CDH12: variants seen among roughly 807,000 people sequenced by gnomAD.
CDH12 encodes the protein cadherin-12.
CDH12 carries 41 observed loss-of-function variants against 74.1 expected under a neutral mutation model. The observed-to-expected ratio is 0.55, with a 90% CI of 0.43 to 0.72. The LOEUF (loss-of-function observed/expected upper bound fraction) is 0.72. Ranked by LOEUF, CDH12 falls within the 30% of genes least tolerant of loss-of-function variation. The pLI, the probability that CDH12 is intolerant of heterozygous loss-of-function variation, is 0.00. For synonymous variants in CDH12, 399 were observed against 355.0 expected (o/e 1.12, Z -1.39); for missense variants, 945 against 977.2 (o/e 0.97, Z 0.44).
intron 1 of CDH12, among the ~76,000 whole-genome samples, chr5:22,507,912 G>T (rs949910925): frequency 6.6e-6 from 1 of 152,148 alleles, no homozygotes; most frequent in East Asian, 1.9e-4. Flanking sequence ...GACTGCCATC[G>T]TGCCTTGCCT....
chr5:22,356,472 C>G (rs1013453812), intron 3 of CDH12, among the ~76,000 whole-genome samples: 1 of 152,088 alleles, frequency 6.6e-6, no homozygotes, highest in African/African-American at 2.4e-5. Context: ...ATACAATATG[C>G]TTAATCCTCC....
intron 1 of CDH12, among the ~76,000 whole-genome samples, chr5:22,760,452 G>A (rs1174663737): frequency 2.6e-5 from 4 of 151,990 alleles, no homozygotes; most frequent in African/African-American, 4.8e-5. Context: ...AGGCCGAGGC[G>A]GGTGGATCAA....
At chr5:22,102,498 G>A (rs969337262) in intron 4 of CDH12, among the ~76,000 whole-genome samples, 21 of 151,948 alleles carry the variant, frequency 1.4e-4, no homozygotes, top group African/African-American at 4.1e-4. Context: ...GTGAAGCCCC[G>A]TCTCTACTAA....
At chr5:22,735,887 C>A (rs11954567) in intron 1 of CDH12, among the ~76,000 whole-genome samples, 1 of 151,644 alleles carries the variant, frequency 6.6e-6, no homozygotes, top group Non-Finnish European at 1.5e-5. Context: ...AGTGTCTATA[C>A]GAAAAGTTAT....
intron 3 of CDH12, among the ~76,000 whole-genome samples, chr5:22,355,966 T>A (rs1165842294): frequency 6.6e-6 from 1 of 152,220 alleles, no homozygotes; most frequent in Non-Finnish European, 1.5e-5. Flanking sequence ...GCATATGCCA[T>A]CACTGGCCTT....
intron 2 of CDH12, among the ~76,000 whole-genome samples, chr5:22,453,448 T>C (rs961117723): frequency 2.0e-5 from 3 of 152,128 alleles, no homozygotes; most frequent in Non-Finnish European, 4.4e-5. Flanking sequence ...CATAGATGAA[T>C]GTAGAGGACA....
intron 3 of CDH12, among the ~76,000 whole-genome samples, chr5:22,368,402 G>C (rs893057057): frequency 1.3e-5 from 2 of 151,580 alleles, no homozygotes; most frequent in Non-Finnish European, 2.9e-5. Flanking sequence ...AGGCTCATGT[G>C]ATCCTCTCAA....
rs754616474 is a variant in CDH12, at chr5:22,232,701, CTCTT to C, written c.-332-20062_-332-20059del. Reference sequence around the variant, plus strand: ...TCATAGTTGAGAAGAAAGCTTCTCTCTCTTTCTCTCTGTGTCTAACTTTTAGCAC... The same window carrying C: ...TCATAGTTGAGAAGAAAGCTTCTCTCTCTCTCTGTGTCTAACTTTTAGCAC... On this transcript the variant is annotated intron_variant, in intron 3 of 14. Transcript: ENST00000382254. Among the ~76,000 whole-genome samples, 42 of 151,402 alleles carry C rather than the reference CTCTT, an allele frequency of 2.8e-4. 1 individual carries two copies. The highest frequency in any genetic ancestry group is 5.3e-4 in the Non-Finnish European group (36 of 67,698).
rs1226107549 is a variant in CDH12, at chr5:22,853,164, C to G, written c.-629G>C. The G allele has an allele frequency of 6.6e-6, 1 of 152,246 alleles. No homozygotes were observed. The highest frequency in any genetic ancestry group is 2.4e-5 in the African/African-American group (1 of 41,442). 9.4% of individuals were successfully genotyped at this position (152,246 alleles called of 1,614,324 possible). A position where few individuals can be genotyped will look rare whatever the true frequency, so the allele number is the denominator to read the frequency against. ...GTGAGACCCTTCTCTTCTGTTTCCC[C>G]TTTCCAAATCACTGTGCCAACACAC... is the stretch of plus-strand genomic sequence containing the variant. On this transcript the variant is annotated 5_prime_UTR_variant, in exon 1 of 15. Coordinates refer to ENST00000382254, the MANE Select transcript of CDH12 (RefSeq NM_004061.5).
chr5:22,042,847 G>A (rs1026141191), intron 5 of CDH12, among the ~76,000 whole-genome samples: 23 of 138,496 alleles, frequency 1.7e-4, no homozygotes, highest in African/African-American at 6.4e-4. Flanking sequence ...CAGAGATCAT[G>A]CCACCACACT....
chr5:22,580,058 C>T (rs527788639), intron 1 of CDH12, among the ~76,000 whole-genome samples: 3 of 152,170 alleles, frequency 2.0e-5, no homozygotes, highest in South Asian at 2.1e-4. Context: ...TTTTAGCCAA[C>T]GATGCTCTGC....
At chr5:22,031,380 G>C (rs551962707) in intron 5 of CDH12, among the ~76,000 whole-genome samples, 1 of 152,154 alleles carries the variant, frequency 6.6e-6, no homozygotes, top group East Asian at 1.9e-4. Flanking sequence ...TGTTGTGGTT[G>C]GTTTGATCTT....
At chr5:22,454,670 T>C (rs768531313) in intron 2 of CDH12, among the ~76,000 whole-genome samples, 3 of 152,130 alleles carry the variant, frequency 2.0e-5, no homozygotes, top group Middle Eastern at 3.2e-3. Flanking sequence ...GTACGGGGTT[T>C]CACCATGTTG....
chr5:22,620,477 A>G (rs1037671016), intron 1 of CDH12, among the ~76,000 whole-genome samples: 2 of 152,124 alleles, frequency 1.3e-5, no homozygotes, highest in Non-Finnish European at 2.9e-5. Context: ...AAAGAATTAT[A>G]ATATATGGAA....
chr5:22,194,480 C>T (rs1347982532), intron 4 of CDH12, among the ~76,000 whole-genome samples: 14 of 151,742 alleles, frequency 9.2e-5, no homozygotes, highest in African/African-American at 3.1e-4. Context: ...TACAAGCGTC[C>T]GCCCCCATGC....
chr5:21,921,720 T>C (rs1377347207), intron 6 of CDH12, among the ~76,000 whole-genome samples: 1 of 152,202 alleles, frequency 6.6e-6, no homozygotes, highest in Non-Finnish European at 1.5e-5. Flanking sequence ...TTTCCTTCCA[T>C]GCAGTATGAA....
chr5:22,307,216 G>A (rs889144782), intron 3 of CDH12, among the ~76,000 whole-genome samples: 2 of 152,138 alleles, frequency 1.3e-5, no homozygotes, highest in Non-Finnish European at 2.9e-5. Context: ...GCATGGCTCT[G>A]AATTCCAATG....
rs1554041809 is a variant in CDH12 at position 22,452,901 on chromosome 5, A to AAAT, written c.-427-47551_-427-47550insATT. Among the ~76,000 whole-genome samples, 125 of 125,976 alleles carry AAAT rather than the reference A, an allele frequency of 9.9e-4. 1 individual carries two copies. The highest frequency in any genetic ancestry group is 1.6e-3 in the Admixed American group (15 of 9,302). The allele number at this position is 125,976 out of a possible 152,430, so 82.6% of individuals were successfully genotyped here. On this transcript the variant is annotated intron_variant, in intron 2 of 14. Coordinates refer to ENST00000382254, the MANE Select transcript of CDH12 (RefSeq NM_004061.5). Reference sequence around the variant, plus strand: ...AGAGCAAAAAAAAAAAAAAAAAAAAAAAATGAGTTAAAAGTGGACCAAAGC... The same window carrying AAAT: ...AGAGCAAAAAAAAAAAAAAAAAAAAAAATAAATGAGTTAAAAGTGGACCAAAGC...
chr5:22,792,422 CA>C (rs1301778790), intron 1 of CDH12, among the ~76,000 whole-genome samples: 3 of 152,228 alleles, frequency 2.0e-5, no homozygotes, highest in African/African-American at 4.8e-5. Context: ...TGGCTTACTG[CA>C]TATTACTTTG....
Sources: gnomAD v4.1 joint callset for allele counts (sites outside exome capture counted in the v4.1 genomes callset) on GRCh38, gnomAD v4.1.1 for gene constraint, MANE v1.5 for transcripts, NCBI Gene and HGNC (gene_info 2026-07-23, HGNC 2026-07-21) for gene names.